TADA2A: variants seen among roughly 807,000 people sequenced by gnomAD.
The protein encoded by TADA2A is transcriptional adapter 2-alpha.
TADA2A carries 38 observed loss-of-function variants against 67.4 expected under a neutral mutation model. That is an observed-to-expected ratio of 0.56 (90% CI 0.44 to 0.74). TADA2A has a LOEUF of 0.74. TADA2A is among the 30% of genes least tolerant of loss of function. The probability of loss-of-function intolerance (pLI) is 0.00; values close to 1 mark genes in which losing one functional copy is unlikely to be tolerated. For missense variants in TADA2A, 454 were observed against 547.0 expected (o/e 0.83, Z 1.70); for synonymous variants, 192 against 181.6 (o/e 1.06, Z -0.46).
chr17:37,470,621 A>C (rs1169643570), intron 13 of TADA2A, 89 bp downstream of exon 13: 1 of 1,337,686 alleles, frequency 7.5e-7, no homozygotes, highest in Admixed American at 2.7e-5. Flanking sequence ...ATGGCAGAGT[A>C]ATAATAATTG....
chr17:37,446,009 C>G (rs898840784), intron 8 of TADA2A, among the ~76,000 whole-genome samples: 5 of 151,712 alleles, frequency 3.3e-5, no homozygotes, highest in Non-Finnish European at 7.4e-5. Flanking sequence ...TTTGTTATAC[C>G]AGATCTAAGA....
intron 2 of TADA2A, among the ~76,000 whole-genome samples, chr17:37,420,844 T>A (rs1488550754): frequency 6.8e-6 from 1 of 146,970 alleles, no homozygotes; most frequent in Non-Finnish European, 1.5e-5. Context: ...TTAAATTCCT[T>A]CATCTACCTT....
intron 2 of TADA2A, among the ~76,000 whole-genome samples, chr17:37,412,997 G>A (rs192300250): frequency 6.6e-6 from 1 of 151,500 alleles, no homozygotes; most frequent in African/African-American, 2.4e-5. Context: ...GCATGATCTC[G>A]GCTTACTGCA....
intron 12 of TADA2A, 93 bp from the exon 13 acceptor site, chr17:37,470,307 G>A (rs2053758349): frequency 4.6e-6 from 7 of 1,508,036 alleles, no homozygotes. Context: ...CAGACTTTAA[G>A]AACAAAACCC....
chr17:37,419,972 G>A (rs1427151564), intron 2 of TADA2A, among the ~76,000 whole-genome samples: 1 of 144,418 alleles, frequency 6.9e-6, no homozygotes, highest in African/African-American at 2.5e-5. Context: ...CTGAGATCGC[G>A]CCACTGCACT....
chr17:37,472,515 T>C (rs2053811150), intron 14 of TADA2A, among the ~76,000 whole-genome samples: 1 of 151,976 alleles, frequency 6.6e-6, no homozygotes, highest in African/African-American at 2.4e-5. Flanking sequence ...CTGCCAACAC[T>C]CTACCCCCAA....
At chr17:37,424,370 T>C (rs568992448) in intron 3 of TADA2A, among the ~76,000 whole-genome samples, 262 of 151,908 alleles carry the variant, frequency 1.7e-3, no homozygotes, top group Non-Finnish European at 3.2e-3. Flanking sequence ...TTTTTTTTTT[T>C]TTGAGACGAA....
At chr17:37,444,625 C>A in intron 7 of TADA2A, 71 bp from the exon 8 acceptor site, 1 of 1,281,152 alleles carries the variant, frequency 7.8e-7, no homozygotes, top group Non-Finnish European at 1.1e-6. Context: ...ACTTCTAAAG[C>A]ATGGCTGCTG....
chr17:37,455,456 A>G (rs1302262443), intron 8 of TADA2A, among the ~76,000 whole-genome samples: 3 of 151,734 alleles, frequency 2.0e-5, no homozygotes, highest in Non-Finnish European at 4.4e-5. Context: ...ATCTCGGTTC[A>G]CTGCAAGCTC....
chr17:37,409,785 A>G, intron 1 of TADA2A, among the ~76,000 whole-genome samples: 1 of 151,642 alleles, frequency 6.6e-6, no homozygotes, highest in African/African-American at 2.4e-5. Context: ...AACAAAAACA[A>G]AAACAAAAAG....
At chr17:37,461,913 G>A (rs999144684) in intron 9 of TADA2A, 165 bp from the exon 10 acceptor site, 2 of 560,680 alleles carry the variant, frequency 3.6e-6, no homozygotes, top group African/African-American at 4.0e-5. Flanking sequence ...CTAAAATTGG[G>A]TTAGTGATTC....
At chr17:37,437,860 C>T in intron 5 of TADA2A, 31 bp downstream of exon 5, 2 of 1,578,080 alleles carry the variant, frequency 1.3e-6, no homozygotes, top group Non-Finnish European at 1.7e-6. Context: ...GTTGTCCTGC[C>T]CTAGTGGACT....
At chr17:37,408,153 C>T (rs950207485) in intron 1 of TADA2A, among the ~76,000 whole-genome samples, 1 of 152,184 alleles carries the variant, frequency 6.6e-6, no homozygotes, top group Admixed American at 6.5e-5. Flanking sequence ...TCCCAAAGTG[C>T]TGAGATTACA....
intron 4 of TADA2A, among the ~76,000 whole-genome samples, chr17:37,430,097 T>TAA (rs1441202796): frequency 5.9e-5 from 9 of 152,230 alleles, no homozygotes; most frequent in Non-Finnish European, 1.2e-4. Flanking sequence ...TCATGCTTAT[T>TAA]CACTGTAGGA....
chr17:37,444,229 A>G (rs1160808813), intron 7 of TADA2A, among the ~76,000 whole-genome samples: 1 of 147,562 alleles, frequency 6.8e-6, no homozygotes, highest in Non-Finnish European at 1.5e-5. Context: ...ACTGCACTCC[A>G]GCCTGAGTGA....
intron 2 of TADA2A, among the ~76,000 whole-genome samples, chr17:37,412,134 C>G (rs1164828979): frequency 1.3e-5 from 2 of 151,518 alleles, no homozygotes; most frequent in Admixed American, 1.3e-4. Context: ...TGGCATGAAC[C>G]CGGGAGGCGG....
intron 2 of TADA2A, among the ~76,000 whole-genome samples, chr17:37,414,429 C>G (rs981705285): frequency 6.6e-6 from 1 of 152,016 alleles, no homozygotes; most frequent in Non-Finnish European, 1.5e-5. Flanking sequence ...CTGTACTCCC[C>G]CCGCCCTGGA....
intron 2 of TADA2A, among the ~76,000 whole-genome samples, chr17:37,414,872 C>CT (rs2147903509): frequency 6.9e-6 from 1 of 145,226 alleles, no homozygotes; most frequent in African/African-American, 2.5e-5. Flanking sequence ...GTTTTTTACT[C>CT]TAATTTTTTT....
At chr17:37,426,275 T>G (rs2052401734) in intron 3 of TADA2A, 1 of 152,182 alleles carries the variant, frequency 6.6e-6, no homozygotes, top group Non-Finnish European at 1.5e-5. Flanking sequence ...TAGAAAAAAG[T>G]ATTTTTTTCA....
Sources: gnomAD v4.1 joint callset for allele counts (sites outside exome capture counted in the v4.1 genomes callset) on GRCh38, gnomAD v4.1.1 for gene constraint, MANE v1.5 for transcripts, NCBI Gene and HGNC (gene_info 2026-07-23, HGNC 2026-07-21) for gene names.